SLC38A9: variants seen among roughly 807,000 people sequenced by gnomAD.
SLC38A9 encodes neutral amino acid transporter 9.
A neutral mutation model predicts 62.3 loss-of-function variants in SLC38A9; 48 were observed. The observed-to-expected ratio is 0.77, with a 90% confidence interval of 0.61 to 0.98. SLC38A9 has a LOEUF of 0.98. Among genes scored for constraint, SLC38A9 ranks in the 50% least tolerant of loss-of-function variants. SLC38A9 has a pLI of 0.00. For missense variants in SLC38A9, 541 were observed against 679.8 expected, an observed-to-expected ratio of 0.80 and a Z score of 2.27; for synonymous variants, 204 against 227.7, an observed-to-expected ratio of 0.90 and a Z score of 0.94.
intron 3 of SLC38A9, chr5:55,692,726 T>C (rs765021373): frequency 5.7e-5 from 56 of 985,206 alleles, no homozygotes; most frequent in Non-Finnish European, 6.7e-5. Context: ...GCCAACTTAC[T>C]GTAATGGAAT....
chr5:55,652,564 T>C lies in SLC38A9; in HGVS notation c.917A>G (p.Lys306Arg). The change falls in exon 10 of 16, where the codon AAG becomes AGG. Residue 306 changes from lysine to arginine, a missense_variant. Coordinates refer to ENST00000396865, the MANE Select transcript of SLC38A9 (RefSeq NM_173514.4). ...AAATTTTGAAAAAAATGAAGGAGAC[T>C]TGAAATTGAGCAGTGGGAGGAGGAG... ...VGLLLPLLNF[K>R]SPSFFSKFNI... 1.2e-6 allele frequency: 2 copies of C among 1,605,298 alleles called. No homozygotes were observed. Among genetic ancestry groups the C allele is most frequent in the South Asian group, 1.1e-5 (1 of 89,984 alleles).
intron 2 of SLC38A9, among the ~76,000 whole-genome samples, chr5:55,699,616 A>T (rs1756380631): frequency 6.6e-6 from 1 of 152,238 alleles, no homozygotes; most frequent in Non-Finnish European, 1.5e-5. Flanking sequence ...AATCAATGAA[A>T]TAAAAATATA....
intron 3 of SLC38A9, chr5:55,693,038 C>T (rs1006024480): frequency 1.0e-6 from 1 of 981,114 alleles, no homozygotes. Flanking sequence ...CTTAAACCAA[C>T]CATCTTTCAT....
chr5:55,696,115 T>A (rs1345780868), intron 3 of SLC38A9: 1 of 22,586 alleles, frequency 4.4e-5, no homozygotes, highest in Admixed American at 4.9e-4. Flanking sequence ...GCTGGCCGGG[T>A]GGGGGGCTGA....
chr5:55,631,277 A>C (rs796768638), intron 14 of SLC38A9, among the ~76,000 whole-genome samples: 15 of 152,356 alleles, frequency 9.8e-5, no homozygotes, highest in African/African-American at 3.4e-4. Context: ...TATGCTCCAA[A>C]GTATGCACAC....
At chr5:55,687,426 C>CAAA (rs34476189) in intron 3 of SLC38A9, among the ~76,000 whole-genome samples, 10 of 76,414 alleles carry the variant, frequency 1.3e-4, no homozygotes, top group Non-Finnish European at 1.6e-4. Context: ...GACTCCGTCT[C>CAAA]AAAAAAAAAA....
At chr5:55,656,554 C>CT (rs1000252440) in intron 9 of SLC38A9, among the ~76,000 whole-genome samples, 161 bp downstream of exon 9, 12 of 148,920 alleles carry the variant, frequency 8.1e-5, no homozygotes, top group African/African-American at 2.5e-4. Flanking sequence ...TTTGGAGGTT[C>CT]TTTTTTTTTT....
chr5:55,666,125 A>G (rs1360872697), intron 7 of SLC38A9, among the ~76,000 whole-genome samples: 1 of 152,184 alleles, frequency 6.6e-6, no homozygotes, highest in African/African-American at 2.4e-5. Flanking sequence ...GAAACATAAC[A>G]TGTACTAAAA....
At chr5:55,652,796 A>T in intron 9 of SLC38A9, 73 bp from the exon 10 acceptor site, 1 of 1,295,834 alleles carries the variant, frequency 7.7e-7, no homozygotes, top group Non-Finnish European at 1.1e-6. Flanking sequence ...ACAGAAAATG[A>T]CTGCCTCTAG....
chr5:55,636,842 T>C (rs1395453459), intron 12 of SLC38A9, among the ~76,000 whole-genome samples: 1 of 152,152 alleles, frequency 6.6e-6, no homozygotes, highest in South Asian at 2.1e-4. Flanking sequence ...CTTATGCAGA[T>C]TGGTTCCAGC....
At chr5:55,666,615 G>A (rs1750502243) in intron 7 of SLC38A9, among the ~76,000 whole-genome samples, 2 of 152,180 alleles carry the variant, frequency 1.3e-5, no homozygotes, top group South Asian at 4.2e-4. Flanking sequence ...TGTTTCGGCT[G>A]GGCACGGTGG....
chr5:55,656,088 T>C (rs545693618), intron 9 of SLC38A9, among the ~76,000 whole-genome samples: 58 of 152,028 alleles, frequency 3.8e-4, no homozygotes, highest in African/African-American at 1.4e-3. Context: ...AATAGTGATA[T>C]AGGTTCTTGA....
intron 3 of SLC38A9, among the ~76,000 whole-genome samples, chr5:55,685,790 A>G (rs1580347980): frequency 6.6e-6 from 1 of 151,892 alleles, no homozygotes; most frequent in Non-Finnish European, 1.5e-5. Context: ...CCCACCCTCC[A>G]CCTTCCAGTA....
At chr5:55,637,375 CT>C (rs2150073419) in intron 12 of SLC38A9, among the ~76,000 whole-genome samples, 1 of 152,332 alleles carries the variant, frequency 6.6e-6, no homozygotes, top group Non-Finnish European at 1.5e-5. Context: ...GCACTATATA[CT>C]TATCTCAAAT....
chr5:55,680,431 G>A (rs928124082), intron 3 of SLC38A9, among the ~76,000 whole-genome samples: 3 of 152,184 alleles, frequency 2.0e-5, no homozygotes, highest in African/African-American at 7.2e-5. Flanking sequence ...CCTTTAGGAG[G>A]TGATTAGGCC....
In SLC38A9 at chr5:55,652,753, G is replaced by C. The variant is rs557753179; in HGVS notation, c.758-30C>G. 75 of 1,510,232 alleles carry C rather than the reference G, an allele frequency of 5.0e-5. No homozygotes were observed. In the South Asian group the frequency reaches 9.0e-4, roughly 18 times the overall value. The allele number at this position is 1,510,232 out of a possible 1,614,324, so 93.6% of individuals were successfully genotyped here. On this transcript the variant is annotated intron_variant, in intron 9 of 15. Transcript: ENST00000396865. ...AATAGGAAAGCACCAGATTAAAGAA[G>C]ATGACAAAAAACAAAACAAAACAAA...
rs767839676 is a variant in SLC38A9 at position 55,626,602 on chromosome 5, AT to A, written c.1577del (p.Tyr526LeufsTer2). 1.2e-6 allele frequency: 2 copies of A among 1,613,904 alleles called. No individual in the cohort carries two copies. Among genetic ancestry groups the A allele is most frequent in the Admixed American group, 3.3e-5 (2 of 59,996 alleles). ...GCTCTTCTTGGTGGAGGGAAATTATATAGATGAGAGATGGGTATATGAATAC... is the reference window on the plus strand; with the variant it reads ...GCTCTTCTTGGTGGAGGGAAATTATAAGATGAGAGATGGGTATATGAATAC... ...AFVFIYPSLI[Y>X]IISLHQEERL... On this transcript the variant is annotated frameshift_variant, in exon 16 of 16. Coordinates refer to ENST00000396865, the MANE Select transcript of SLC38A9 (RefSeq NM_173514.4). LOFTEE classifies it high-confidence loss of function.
chr5:55,668,101 A>G (rs34685117), intron 7 of SLC38A9, among the ~76,000 whole-genome samples: 98,145 of 151,724 alleles, frequency 0.65, 31,970 homozygotes, highest in South Asian at 0.73. Flanking sequence ...GTGCCCGGGA[A>G]GTCCAGGCAG....
chr5:55,711,148 CG>C (rs1449229910), intron 2 of SLC38A9, among the ~76,000 whole-genome samples: 1 of 151,390 alleles, frequency 6.6e-6, no homozygotes, highest in East Asian at 2.0e-4. Context: ...CAAAAATTAG[CG>C]GGGCGTGGTG....
Sources: gnomAD v4.1 joint callset for allele counts (sites outside exome capture counted in the v4.1 genomes callset) on GRCh38, gnomAD v4.1.1 for gene constraint, MANE v1.5 for transcripts, NCBI Gene and HGNC (gene_info 2026-07-23, HGNC 2026-07-21) for gene names.